DMD: variants seen among roughly 807,000 people sequenced by gnomAD.
DMD encodes dystrophin.
In DMD, 63 loss-of-function variants were observed where a neutral mutation model predicts 330.1. That is an observed-to-expected ratio of 0.19 (90% confidence interval 0.16 to 0.24). The LOEUF is 0.24. DMD is among the 10% of genes least tolerant of loss of function. The pLI is 1.00. For synonymous variants in DMD, 1,223 were observed against 959.8 expected, an observed-to-expected ratio of 1.27 and a Z score of -5.07; for missense variants, 3,344 against 2,684.1, an observed-to-expected ratio of 1.25 and a Z score of -5.43.
intron 1 of DMD, among the ~76,000 whole-genome samples, chrX:33,124,301 C>T (rs2095444359): frequency 9.2e-6 from 1 of 108,887 alleles, no homozygotes; most frequent in African/African-American, 3.3e-5. Flanking sequence ...CATGGTGAAA[C>T]CTCGGCTCTA....
At chrX:31,668,449 CAA>C (rs1206664886) in intron 53 of DMD, among the ~76,000 whole-genome samples, 69 of 110,322 alleles carry the variant, frequency 6.3e-4, no homozygotes, top group African/African-American at 2.1e-3. Flanking sequence ...GTTTATTTTA[CAA>C]AAGTTTTAAA....
intron 44 of DMD, among the ~76,000 whole-genome samples, chrX:32,034,740 T>G (rs777912634): frequency 3.2e-4 from 36 of 111,666 alleles, no homozygotes; most frequent in Non-Finnish European, 4.2e-4. Flanking sequence ...TTCACACATA[T>G]TTTGCTTTTT....
At chrX:31,326,747 G>A (rs2056814433) in intron 61 of DMD, among the ~76,000 whole-genome samples, 1 of 111,678 alleles carries the variant, frequency 9.0e-6, no homozygotes, top group African/African-American at 3.3e-5. Context: ...TCCTTCTCAA[G>A]AGATTCTTAA....
At chrX:31,768,357 C>T (rs1188716203) in intron 51 of DMD, among the ~76,000 whole-genome samples, 1 of 110,177 alleles carries the variant, frequency 9.1e-6, no homozygotes, top group Admixed American at 9.7e-5. Flanking sequence ...CCATTTCCTC[C>T]TTTCCTCACT....
At chrX:31,918,742 A>G (rs1255207667) in intron 47 of DMD, among the ~76,000 whole-genome samples, 1 of 109,634 alleles carries the variant, frequency 9.1e-6, no homozygotes, top group Non-Finnish European at 1.9e-5. Flanking sequence ...GGTTCAAATG[A>G]TTCTCCTGCC....
intron 7 of DMD, among the ~76,000 whole-genome samples, chrX:32,705,013 G>A (rs761136649): frequency 2.7e-5 from 3 of 111,979 alleles, no homozygotes; most frequent in African/African-American, 9.7e-5. Context: ...CCATATCATG[G>A]CAATGGACTA....
chrX:31,558,521 A>G (rs2074989532), intron 55 of DMD, among the ~76,000 whole-genome samples: 1 of 111,379 alleles, frequency 9.0e-6, no homozygotes, highest in African/African-American at 3.3e-5. Context: ...CAGCAAGGTG[A>G]TGCTCTTTTA....
intron 15 of DMD, among the ~76,000 whole-genome samples, chrX:32,572,175 G>C (rs5928017): frequency 0.058 from 6,457 of 111,345 alleles, 177 homozygotes; most frequent in African/African-American, 0.09. Context: ...GTAATAACAA[G>C]TAATACATAA....
At chrX:32,554,869 AG>A (rs2050036842) in intron 16 of DMD, among the ~76,000 whole-genome samples, 13 of 59,518 alleles carry the variant, frequency 2.2e-4, no homozygotes, top group Non-Finnish European at 2.8e-4. Flanking sequence ...AGAGAGAGAG[AG>A]AAGGAAAGAA....
chrX:32,607,588 A>G (rs2056836992), intron 12 of DMD, among the ~76,000 whole-genome samples: 1 of 110,137 alleles, frequency 9.1e-6, no homozygotes, highest in Non-Finnish European at 1.9e-5. Context: ...ATTAAACAGG[A>G]TAGTTCTCCA....
chrX:31,269,117 G>T (rs766310900), intron 62 of DMD, among the ~76,000 whole-genome samples: 1 of 111,413 alleles, frequency 9.0e-6, no homozygotes, highest in Non-Finnish European at 1.9e-5. Context: ...AAATCTTGAC[G>T]TCATATTATA....
At chrX:32,115,362 A>C (rs990398816) in intron 44 of DMD, among the ~76,000 whole-genome samples, 2 of 111,008 alleles carry the variant, frequency 1.8e-5, no homozygotes, top group Non-Finnish European at 3.8e-5. Context: ...CGGCCTCCTG[A>C]GTATCTGGGA....
At chrX:32,004,903 C>A (rs1426447529) in intron 44 of DMD, among the ~76,000 whole-genome samples, 1 of 111,449 alleles carries the variant, frequency 9.0e-6, no homozygotes, top group Non-Finnish European at 1.9e-5. Flanking sequence ...CCTTGCCTAA[C>A]CTAGAGTGGA....
chrX:33,247,559 T>A (rs2052687933), intron 1 of DMD, among the ~76,000 whole-genome samples: 1 of 111,807 alleles, frequency 8.9e-6, no homozygotes, highest in Non-Finnish European at 1.9e-5. Flanking sequence ...ATTCAATGGA[T>A]AAATTATTAT....
At chrX:31,298,418 C>T (rs868662695) in intron 62 of DMD, among the ~76,000 whole-genome samples, 11 of 106,933 alleles carry the variant, frequency 1.0e-4, no homozygotes, top group Non-Finnish European at 2.1e-4. Flanking sequence ...CATACACACA[C>T]ACACACACAC....
chrX:31,354,620 T>C (rs937168944), intron 60 of DMD, among the ~76,000 whole-genome samples: 1 of 112,103 alleles, frequency 8.9e-6, no homozygotes, highest in East Asian at 2.8e-4. Flanking sequence ...TTATTCTCCT[T>C]GGTCTTCTCA....
In DMD at chrX:31,443,401, G is replaced by GTAA. The variant is rs761201805; in HGVS notation, c.9084+1077_9084+1079dup. Among the ~76,000 whole-genome samples the GTAA allele has an allele frequency of 1.4e-4, 16 of 111,110 alleles. No individual in the cohort carries two copies. The South Asian group carries it at 2.3e-3, about 16-fold the overall frequency. Reference sequence around the variant, plus strand: ...TGTTGGATTCCAAAACCTGTGTACTGTAATAATAATAATAATAACAACATC... The same window carrying GTAA: ...TGTTGGATTCCAAAACCTGTGTACTGTAATAATAATAATAATAATAACAACATC... On this transcript the variant is annotated intron_variant, in intron 60 of 78. Transcript: ENST00000357033.
At chrX:31,494,354 G>C (rs1436860863) in intron 57 of DMD, among the ~76,000 whole-genome samples, 2 of 110,773 alleles carry the variant, frequency 1.8e-5, no homozygotes, top group African/African-American at 6.6e-5. Flanking sequence ...AGAAGCAAAG[G>C]GTTTCAGACT....
chrX:32,386,687 A>T, intron 32 of DMD, among the ~76,000 whole-genome samples: 1 of 105,587 alleles, frequency 9.5e-6, no homozygotes, highest in Non-Finnish European at 2.0e-5. Flanking sequence ...ATTTGCAGCT[A>T]TTCTTATTAA....
Sources: allele counts gnomAD v4.1 joint callset (sites outside exome capture counted in the v4.1 genomes callset), GRCh38; gene constraint gnomAD v4.1.1; transcripts MANE v1.5; gene names NCBI Gene and HGNC (gene_info 2026-07-23, HGNC 2026-07-21).